Variants in UBR3 observed in about 807,000 individuals in gnomAD.
UBR3 encodes the protein ubiquitin protein ligase E3 component n-recognin 3.
A neutral mutation model predicts 243.2 loss-of-function variants in UBR3; 85 were observed. That is an observed-to-expected ratio of 0.35 (90% CI 0.29 to 0.42). UBR3 has a LOEUF of 0.42. Among genes scored for constraint, UBR3 ranks in the 10% least tolerant of loss-of-function variants. The pLI, the probability that UBR3 is intolerant of heterozygous loss-of-function variation, is 1.00. For synonymous variants in UBR3, 748 were observed against 799.8 expected (o/e 0.94, Z 1.09); for missense variants, 1,686 against 2,300.8 (o/e 0.73, Z 5.47).
In UBR3 at chr2:170,001,284, G is replaced by A. The variant is rs1450991129; in HGVS notation, c.3919-20G>A. The A allele has an allele frequency of 5.3e-6, 8 of 1,515,078 alleles. No homozygotes were observed. In the East Asian group the frequency reaches 1.4e-4, roughly 26 times the overall value. The allele number at this position is 1,515,078 out of a possible 1,614,324, so 93.9% of individuals were successfully genotyped here. On this transcript the variant is annotated intron_variant, in intron 26 of 38. Coordinates refer to ENST00000272793, the MANE Select transcript of UBR3 (RefSeq NM_172070.4). ...TACTTCTTTAAAATTAATTGTATTT[G>A]TCTTCTTTTTATTTTGAAGAGTTCA...
intron 1 of UBR3, among the ~76,000 whole-genome samples, chr2:169,839,641 T>C (rs1048841356): frequency 5.9e-5 from 9 of 152,216 alleles, no homozygotes; most frequent in Admixed American, 3.3e-4. Context: ...TCAGAAACTA[T>C]GTACATCTAT....
intron 31 of UBR3, among the ~76,000 whole-genome samples, chr2:170,037,663 C>T (rs1463090093): frequency 6.6e-6 from 1 of 152,286 alleles, no homozygotes; most frequent in Non-Finnish European, 1.5e-5. Flanking sequence ...GTTGGGATTA[C>T]AGGCGTGAGC....
chr2:170,046,671 CTTAA>C (rs1203259933), intron 32 of UBR3, among the ~76,000 whole-genome samples: 3 of 152,206 alleles, frequency 2.0e-5, no homozygotes, highest in Middle Eastern at 3.4e-3. Context: ...AGATTTATTC[CTTAA>C]TTATTTCATT....
At chr2:170,015,254 G>T (rs1471338884) in intron 29 of UBR3, 27 bp from the exon 30 acceptor site, 2 of 1,550,870 alleles carry the variant, frequency 1.3e-6, no homozygotes, top group East Asian at 2.3e-5. Context: ...TCAGTTTAAT[G>T]ACTGAGATAT....
intron 30 of UBR3, among the ~76,000 whole-genome samples, chr2:170,023,584 T>TTTTGC (rs1464807232): frequency 2.7e-5 from 4 of 149,100 alleles, no homozygotes; most frequent in African/African-American, 9.9e-5. Flanking sequence ...TAATTTTTGT[T>TTTTGC]TTTGCTTTGT....
intron 8 of UBR3, among the ~76,000 whole-genome samples, chr2:169,897,964 G>C (rs536040060): frequency 6.6e-6 from 1 of 152,088 alleles, no homozygotes; most frequent in Non-Finnish European, 1.5e-5. Context: ...TAAGCAATTT[G>C]CCATAGGTTA....
chr2:170,017,817 G>A lies in UBR3; in HGVS notation c.4453+2451G>A, dbSNP rs536805129. Among the ~76,000 whole-genome samples the A allele has an allele frequency of 6.6e-5, 10 of 152,256 alleles. No homozygotes were observed. The East Asian group carries it at 1.9e-3, about 29-fold the overall frequency. ...AAAGTTACTCAAATTAGCTCACATA[G>A]CAGCATAGTATGGTATTTTAATAAT... On this transcript the variant is annotated intron_variant, in intron 30 of 38. Coordinates refer to ENST00000272793, the MANE Select transcript of UBR3 (RefSeq NM_172070.4).
At chr2:169,955,049 T>C (rs2087214276) in intron 23 of UBR3, among the ~76,000 whole-genome samples, 1 of 152,210 alleles carries the variant, frequency 6.6e-6, no homozygotes, top group South Asian at 2.1e-4. Flanking sequence ...TTGTCTGTTT[T>C]CCCTTTATGT....
At chr2:170,015,759 A>G (rs1032269816) in intron 30 of UBR3, among the ~76,000 whole-genome samples, 5 of 151,906 alleles carry the variant, frequency 3.3e-5, no homozygotes, top group Admixed American at 2.0e-4. Context: ...TATTTGTGCT[A>G]TATTTTGATG....
At position 169,939,747 on chromosome 2, in the gene UBR3, A is replaced by G. The variant is rs571169093; in HGVS notation, c.2664-2746A>G. On this transcript the variant is annotated intron_variant, in intron 19 of 38. Transcript: ENST00000272793. ...CTTGGCTAATTTTTGTATTTTTTGT[A>G]AAGACAGGGTTTCATCATGTTGCCC... 9.2e-5 allele frequency among the ~76,000 whole-genome samples: 14 copies of G among 151,634 alleles called. 1 individual carries two copies. The South Asian group carries it at 2.9e-3, about 32-fold the overall frequency.
At chr2:169,858,447 AGCT>A (rs2082967629) in intron 1 of UBR3, among the ~76,000 whole-genome samples, 4 of 152,196 alleles carry the variant, frequency 2.6e-5, no homozygotes, top group Middle Eastern at 6.8e-3. Context: ...CCTCCCAAGT[AGCT>A]GGGACTGTAG....
At chr2:170,051,337 ATTTAT>A (rs2091212023) in intron 32 of UBR3, among the ~76,000 whole-genome samples, 1 of 151,960 alleles carries the variant, frequency 6.6e-6, no homozygotes, top group South Asian at 2.1e-4. Context: ...CTTCTATTTT[ATTTAT>A]TTTATTATTA....
At chr2:169,945,765 A>G (rs372659452) in intron 20 of UBR3, among the ~76,000 whole-genome samples, 31 of 152,254 alleles carry the variant, frequency 2.0e-4, no homozygotes, top group African/African-American at 6.5e-4. Flanking sequence ...TGAGTAATCT[A>G]TAGGTCAGAT....
At chr2:169,898,982 T>A (rs1332813438) in intron 8 of UBR3, among the ~76,000 whole-genome samples, 1 of 151,836 alleles carries the variant, frequency 6.6e-6, no homozygotes, top group Non-Finnish European at 1.5e-5. Context: ...ATTACAGGCG[T>A]GAGCCACCGC....
At chr2:169,833,241 C>T (rs1244368869) in intron 1 of UBR3, among the ~76,000 whole-genome samples, 1 of 152,190 alleles carries the variant, frequency 6.6e-6, no homozygotes, top group Non-Finnish European at 1.5e-5. Context: ...TAATGTCTGA[C>T]TAGCTGGTTT....
At chr2:169,994,209 T>G in intron 25 of UBR3, 114 bp from the exon 26 acceptor site, 1 of 1,262,690 alleles carries the variant, frequency 7.9e-7, no homozygotes, top group Non-Finnish European at 1.1e-6. Flanking sequence ...TTTAAAAATA[T>G]TCTAATAGTG....
rs1396350800 is a variant in UBR3, at chr2:170,080,197, TTAAG to T, written c.5409+176_5409+179del. ...GTAAAAAAAGAAAGTCTTTGAGGCTTTAAGTGAGTAAATCCTTCCTTAAGTACAA... is the reference window on the plus strand; with the variant it reads ...GTAAAAAAAGAAAGTCTTTGAGGCTTTGAGTAAATCCTTCCTTAAGTACAA... On this transcript the variant is annotated intron_variant, in intron 37 of 38. Coordinates refer to ENST00000272793, the MANE Select transcript of UBR3 (RefSeq NM_172070.4). 5 of 654,076 alleles carry T rather than the reference TTAAG, an allele frequency of 7.6e-6. No individual in the cohort carries two copies. In the East Asian group the frequency reaches 8.3e-5, roughly 11 times the overall value. The allele number at this position is 654,076 out of a possible 1,614,324, so 40.5% of individuals were successfully genotyped here.
chr2:169,966,343 G>A lies in UBR3; in HGVS notation c.3634+7817G>A, dbSNP rs369771067. On this transcript the variant is annotated intron_variant, in intron 24 of 38. Transcript: ENST00000272793. ...TTAATAAAGAATAAGAATTTATTTGGGAATTACTTTCTGTTATTAAACATA... is the reference window on the plus strand; with the variant it reads ...TTAATAAAGAATAAGAATTTATTTGAGAATTACTTTCTGTTATTAAACATA... 1.2e-4 allele frequency among the ~76,000 whole-genome samples: 19 copies of A among 152,158 alleles called. No homozygotes were observed. In the East Asian group the frequency reaches 2.9e-3, roughly 23 times the overall value.
intron 5 of UBR3, among the ~76,000 whole-genome samples, chr2:169,882,511 C>G (rs1213885925): frequency 6.6e-6 from 1 of 150,508 alleles, no homozygotes; most frequent in Admixed American, 6.7e-5. Flanking sequence ...GAGGCCGAGG[C>G]GGGCAGATCA....
Sources: gnomAD v4.1 joint callset for allele counts (sites outside exome capture counted in the v4.1 genomes callset) on GRCh38, gnomAD v4.1.1 for gene constraint, MANE v1.5 for transcripts, NCBI Gene and HGNC (gene_info 2026-07-23, HGNC 2026-07-21) for gene names.